The following SLC10A4 variants were observed in gnomAD, a reference collection of about 807,000 sequenced individuals.
SLC10A4 encodes the protein solute carrier family 10 member 4, also known as putative sodium/bile acid cotransporter 4.
SLC10A4 carries 17 observed loss-of-function variants against 22.5 expected under a neutral mutation model. The observed-to-expected ratio is 0.76, with a 90% CI of 0.52 to 1.14. The LOEUF (loss-of-function observed/expected upper bound fraction) is 1.14. Ranked by LOEUF, SLC10A4 falls within the 50% of genes most tolerant of loss-of-function variation. The probability of loss-of-function intolerance (pLI) is 0.00; values close to 1 mark genes in which losing one functional copy is unlikely to be tolerated. For missense variants in SLC10A4, 548 were observed against 584.0 expected (o/e 0.94, Z 0.64); for synonymous variants, 257 against 258.2 (o/e 1.00, Z 0.04).
intron 2 of SLC10A4, among the ~76,000 whole-genome samples, chr4:48,488,092 G>A (rs1166696841): frequency 3.3e-5 from 5 of 151,288 alleles, no homozygotes; most frequent in Admixed American, 6.6e-5. Context: ...GTGAGCCACC[G>A]CGCCTGGCCA....
intron 2 of SLC10A4, among the ~76,000 whole-genome samples, chr4:48,486,340 T>G (rs1014750380): frequency 6.6e-6 from 1 of 151,910 alleles, no homozygotes; most frequent in Non-Finnish European, 1.5e-5. Context: ...ACCTGTAATA[T>G]ATACTCATAG....
intron 2 of SLC10A4, among the ~76,000 whole-genome samples, chr4:48,487,719 C>T (rs571131777): frequency 1.4e-5 from 2 of 147,762 alleles, no homozygotes; most frequent in South Asian, 2.2e-4. Context: ...CCCTGATAAC[C>T]AGTTTTTAAG....
chr4:48,487,673 G>C (rs1395583082), intron 2 of SLC10A4, among the ~76,000 whole-genome samples: 2 of 149,264 alleles, frequency 1.3e-5, no homozygotes, highest in African/African-American at 4.9e-5. Flanking sequence ...GGAGGTTTAA[G>C]TTTGGGGATG....
chr4:48,488,558 C>T lies in SLC10A4; in HGVS notation c.933C>T (p.Gly311=). 1 of 1,613,964 alleles carries T rather than the reference C, an allele frequency of 6.2e-7. No individual in the cohort carries two copies. The highest frequency in any genetic ancestry group is 8.5e-7 in the Non-Finnish European group (1 of 1,180,010). Residue 311 remains glycine, a synonymous_variant, in exon 3 of 3, where the codon GGC becomes GGT. Coordinates refer to ENST00000273861, the MANE Select transcript of SLC10A4 (RefSeq NM_152679.4). ...TAGCAATTTTTATGCCTTTGGCAGG[C>T]TACGCTTCAGGTTATGGTTTAGCTA... is the stretch of plus-strand genomic sequence containing the variant. ...YVIAIFMPLA[G]YASGYGLATL...
In SLC10A4 at chr4:48,483,959, T is replaced by TCCGTCGGC. The variant is rs1352251955; in HGVS notation, c.403_410dup (p.Ala139ProfsTer59). ...GACGTGAACCACTTCGGGGCGCACG[T>TCCGTCGGC]CCGTCGGCCCGTGGGCGCGCTGCTG... On this transcript the variant is annotated frameshift_variant, in exon 1 of 3. Coordinates refer to ENST00000273861, the MANE Select transcript of SLC10A4 (RefSeq NM_152679.4). LOFTEE classifies it high-confidence loss of function. This position sits in a 1 kb window ranked among gnomAD's most constrained non-coding sequence, Gnocchi z 5.4. 2.8e-5 allele frequency: 44 copies of TCCGTCGGC among 1,547,212 alleles called. No homozygotes were observed. Among genetic ancestry groups the TCCGTCGGC allele is most frequent in the Non-Finnish European group, 3.7e-5 (43 of 1,147,968 alleles).
chr4:48,487,788 CTTTTTTTTTTTTTTTTT>C (rs35831946), intron 2 of SLC10A4, among the ~76,000 whole-genome samples: 4 of 39,784 alleles, frequency 1.0e-4, no homozygotes, highest in East Asian at 7.7e-4. Flanking sequence ...TTTTGAAGAG[CTTTTTTTTTTTTTTTTT>C]TTTTTTTTTT....
rs529775716 is a variant in SLC10A4, at chr4:48,484,834, G to A, written c.591-98G>A. ...CCAGACTTCAACCCCGGGACTTGCAGTCTCCCCGTTCCACCTCTACTCAAC... is the reference window on the plus strand; with the variant it reads ...CCAGACTTCAACCCCGGGACTTGCAATCTCCCCGTTCCACCTCTACTCAAC... On this transcript the variant is annotated intron_variant, in intron 1 of 2. Transcript: ENST00000273861. 1,691 of 1,161,524 alleles carry A rather than the reference G, an allele frequency of 1.5e-3. 2 individuals carry two copies. The highest frequency in any genetic ancestry group is 2.0e-3 in the Non-Finnish European group (1,586 of 800,996). The allele number at this position is 1,161,524 out of a possible 1,614,324, so 72.0% of individuals were successfully genotyped here.
Position 48,483,925 on chromosome 4 carries a change from TGCAC to T in SLC10A4, c.366_369del (p.Cys122TrpfsTer4). 6.5e-7 allele frequency: 1 copy of T among 1,543,382 alleles called. No homozygotes were observed. The highest frequency in any genetic ancestry group is 8.7e-7 in the Non-Finnish European group (1 of 1,145,164). ...GTGCATCACCATGCTGGGCCTGGGC[TGCAC>T]GGTGGACGTGAACCACTTCGGGGCG... is the stretch of plus-strand genomic sequence containing the variant. On this transcript the variant is annotated frameshift_variant, in exon 1 of 3. Coordinates refer to ENST00000273861, the MANE Select transcript of SLC10A4 (RefSeq NM_152679.4). LOFTEE classifies it high-confidence loss of function. The surrounding 1 kb of genome is among the most constrained non-coding windows in gnomAD (Gnocchi z 5.4).
In SLC10A4 at chr4:48,489,507, A is replaced by C. The variant is rs1237964359; in HGVS notation, c.*568A>C. On this transcript the variant is annotated 3_prime_UTR_variant, in exon 3 of 3. Transcript: ENST00000273861. ...TCTGGTATCTACTTATTAATGAATA[A>C]TCAACATTTTTCTAGTGGACAAGCC... 6.6e-6 allele frequency among the ~76,000 whole-genome samples: 1 copy of C among 152,222 alleles called. No individual in the cohort carries two copies. Among genetic ancestry groups the C allele is most frequent in the African/African-American group, 2.4e-5 (1 of 41,450 alleles).
At chr4:48,487,734 T>C (rs1238097345) in intron 2 of SLC10A4, among the ~76,000 whole-genome samples, 1 of 151,492 alleles carries the variant, frequency 6.6e-6, no homozygotes, top group African/African-American at 2.4e-5. Context: ...TTTAAGCTTT[T>C]GAAGAGCTGT....
chr4:48,485,106 C>G lies in SLC10A4; in HGVS notation c.765C>G (p.Arg255=). 1 of 1,614,154 alleles carries G rather than the reference C, an allele frequency of 6.2e-7. No individual in the cohort carries two copies. The highest frequency in any genetic ancestry group is 8.5e-7 in the Non-Finnish European group (1 of 1,180,030). ...CTATCGGGTTGGGCGTCTTCATTCG[C>G]TACAAATACAGCCGGGTGGCTGACT... ...LIPIGLGVFI[R]YKYSRVADYI... The change falls in exon 2 of 3, where the codon CGC becomes CGG. Residue 255 remains arginine (R), a synonymous_variant. Transcript: ENST00000273861.
intron 2 of SLC10A4, among the ~76,000 whole-genome samples, chr4:48,485,869 A>G (rs1334729732): frequency 6.6e-6 from 1 of 152,224 alleles, no homozygotes; most frequent in Admixed American, 6.5e-5. Context: ...ATTTTTTAAA[A>G]AATGAATGCT....
rs1473564429 is a variant in SLC10A4 at position 48,484,092 on chromosome 4, TC to T, written c.534del (p.Gly179AlafsTer16). On this transcript the variant is annotated frameshift_variant, in exon 1 of 3. Transcript: ENST00000273861. LOFTEE classifies it high-confidence loss of function. ...AVAVLLCGCC[P>X]GGNLSNLMSL... ...TGGCGGTGCTCCTGTGTGGCTGCTG[TC>T]CCGGCGGCAATCTCTCCAATCTTAT... 1.2e-6 allele frequency: 2 copies of T among 1,604,840 alleles called. No individual in the cohort carries two copies. Among genetic ancestry groups the T allele is most frequent in the African/African-American group, 1.3e-5 (1 of 74,804 alleles).
chr4:48,488,935 T>C lies in SLC10A4; in HGVS notation c.1310T>C (p.Leu437Pro). ...ATGATGGAAACCGCTCAGACTTCTC[T>C]CTAAATGTGGAGATACACAGGAGCT... ...IIMMETAQTS[L>P] is the part of the protein sequence containing the mutation. Residue 437 changes from leucine to proline, a missense_variant, in exon 3 of 3, where the codon CTC (leucine) becomes CCC (proline). By Grantham distance (98) the Leu-to-Pro change is moderately conservative. This residue lies in a region of SLC10A4 where 9 missense variants were observed against 23.9 expected (regional missense o/e 0.38). Transcript: ENST00000273861. 1 of 1,584,342 alleles carries C rather than the reference T, an allele frequency of 6.3e-7. No individual in the cohort carries two copies. The highest frequency in any genetic ancestry group is 8.5e-7 in the Non-Finnish European group (1 of 1,169,714).
chr4:48,483,820 C>A lies in SLC10A4; in HGVS notation c.259C>A (p.Arg87=). The A allele has an allele frequency of 6.5e-7, 1 of 1,527,352 alleles. No homozygotes were observed. Among genetic ancestry groups the A allele is most frequent in the Non-Finnish European group, 8.8e-7 (1 of 1,141,534 alleles). 94.6% of individuals were successfully genotyped at this position (1,527,352 alleles called of 1,614,324 possible). A position where few individuals can be genotyped will look rare whatever the true frequency, so the allele number is the denominator to read the frequency against. ...GAGCCACGGCCCTTCCCCGTTCCCT[C>A]GGCCCTGGGCGCCCCACGCGCTCCC... ...AASHGPSPFP[R]PWAPHALPFW... Residue 87 remains arginine (R), a synonymous_variant, in exon 1 of 3, where the codon CGG becomes AGG. Coordinates refer to ENST00000273861, the MANE Select transcript of SLC10A4 (RefSeq NM_152679.4). The surrounding 1 kb of genome is among the most constrained non-coding windows in gnomAD (Gnocchi z 5.4).
chr4:48,483,614 A>G lies in SLC10A4; in HGVS notation c.53A>G (p.Asn18Ser). 1.3e-6 allele frequency: 2 copies of G among 1,500,122 alleles called. No individual in the cohort carries two copies. The highest frequency in any genetic ancestry group is 2.5e-5 in the South Asian group (2 of 80,708). The allele number at this position is 1,500,122 out of a possible 1,614,324, so 92.9% of individuals were successfully genotyped here. ...CTCTTCGCCCCTCTGCTGCGGGACA[A>G]CTACACCCTGGCGCCCAATGCCAGC... ...TLLFAPLLRD[N>S]YTLAPNASSL... Residue 18 changes from asparagine (N) to serine (S), a missense_variant, in exon 1 of 3, where the codon AAC becomes AGC. By Grantham distance (46) the Asn-to-Ser change is conservative. Transcript: ENST00000273861. This position sits in a 1 kb window ranked among gnomAD's most constrained non-coding sequence, Gnocchi z 5.4.
In SLC10A4 at chr4:48,483,672, C is replaced by G. The variant is rs945516223; in HGVS notation, c.111C>G (p.Ala37=). ...SLGPGTDLAL[A]PASSAGPGPG... Reference sequence around the variant, plus strand: ...GCCCCGGCACGGACCTCGCCCTCGCCCCTGCCTCCAGCGCCGGCCCCGGCC... The same window carrying G: ...GCCCCGGCACGGACCTCGCCCTCGCGCCTGCCTCCAGCGCCGGCCCCGGCC... Residue 37 remains alanine (A), a synonymous_variant, in exon 1 of 3, where the codon GCC becomes GCG. Coordinates refer to ENST00000273861, the MANE Select transcript of SLC10A4 (RefSeq NM_152679.4). This position sits in a 1 kb window ranked among gnomAD's most constrained non-coding sequence, Gnocchi z 5.4. 2.0e-6 allele frequency: 3 copies of G among 1,480,334 alleles called. No individual in the cohort carries two copies. In the African/African-American group the frequency reaches 4.4e-5, roughly 22 times the overall value. 91.7% of individuals were successfully genotyped at this position (1,480,334 alleles called of 1,614,324 possible). A position where few individuals can be genotyped will look rare whatever the true frequency, so the allele number is the denominator to read the frequency against.
At chr4:48,485,248 C>A in intron 2 of SLC10A4, 106 bp downstream of exon 2, 8 of 1,197,308 alleles carry the variant, frequency 6.7e-6, no homozygotes, top group Admixed American at 2.2e-5. Flanking sequence ...AAGAAAAGGA[C>A]TTGGAAGTAG....
intron 2 of SLC10A4, 55 bp from the exon 3 acceptor site, chr4:48,488,372 G>T (rs1328127999): frequency 1.4e-6 from 2 of 1,478,104 alleles, no homozygotes; most frequent in East Asian, 2.3e-5. Context: ...GTGAGCTTAG[G>T]ATTCTCTCGC....
Sources: allele counts gnomAD v4.1 joint callset (sites outside exome capture counted in the v4.1 genomes callset), GRCh38; gene constraint gnomAD v4.1.1; regional missense constraint gnomAD v4.1.1; non-coding constraint Gnocchi (gnomAD v3.1); transcripts MANE v1.5; gene names NCBI Gene and HGNC (gene_info 2026-07-23, HGNC 2026-07-21).